The following SV2C variants were observed in gnomAD, a reference collection of about 807,000 sequenced individuals.
SV2C encodes the protein synaptic vesicle glycoprotein 2C, also known as solute carrier family 22 member B3.
SV2C carries 49 observed loss-of-function variants against 79.7 expected under a neutral mutation model. That is an observed-to-expected ratio of 0.61 (90% CI 0.49 to 0.78). The LOEUF is 0.78. Ranked by LOEUF, SV2C falls within the 30% of genes least tolerant of loss-of-function variation. The probability of loss-of-function intolerance (pLI) is 0.00; values close to 1 mark genes in which losing one functional copy is unlikely to be tolerated. For missense variants in SV2C, 833 were observed against 912.9 expected (o/e 0.91, Z 1.13); for synonymous variants, 334 against 333.2 (o/e 1.00, Z -0.03).
intron 2 of SV2C, among the ~76,000 whole-genome samples, chr5:76,187,349 C>T (rs1182631363): frequency 6.6e-6 from 1 of 152,184 alleles, no homozygotes; most frequent in Non-Finnish European, 1.5e-5. Flanking sequence ...CTTTTTAGTG[C>T]CCAGGTGAAC....
the SV2C span, among the ~76,000 whole-genome samples, chr5:76,013,390 T>A: frequency 6.6e-6 from 1 of 152,206 alleles, no homozygotes; most frequent in African/African-American, 2.4e-5. Flanking sequence ...AGTTCACTCA[T>A]AATTTGGCTC....
At chr5:75,970,358 C>A in the SV2C span, among the ~76,000 whole-genome samples, 1 of 152,098 alleles carries the variant, frequency 6.6e-6, no homozygotes, top group South Asian at 2.1e-4. Context: ...ACATAAAAAA[C>A]CCTTCAAAAA....
At chr5:76,288,119 T>C (rs944035575) in intron 6 of SV2C, among the ~76,000 whole-genome samples, 1 of 152,020 alleles carries the variant, frequency 6.6e-6, no homozygotes, top group Non-Finnish European at 1.5e-5. Context: ...AAAAATGTTT[T>C]GTCTACAGTA....
chr5:76,116,820 C>A (rs1265777253), intron 1 of SV2C, among the ~76,000 whole-genome samples: 1 of 152,142 alleles, frequency 6.6e-6, no homozygotes, highest in African/African-American at 2.4e-5. Context: ...CATCTTCTTT[C>A]CCCCAAAGAG....
the SV2C span, among the ~76,000 whole-genome samples, chr5:76,037,052 C>T: frequency 6.6e-6 from 1 of 152,166 alleles, no homozygotes; most frequent in Non-Finnish European, 1.5e-5. Context: ...CCTGAGGCTT[C>T]TGCATTCTTC....
At chr5:76,204,445 AT>A (rs1169665050) in intron 3 of SV2C, among the ~76,000 whole-genome samples, 1 of 152,212 alleles carries the variant, frequency 6.6e-6, no homozygotes, top group Non-Finnish European at 1.5e-5. Context: ...TGACTTTACA[AT>A]GATTATTCAA....
chr5:75,887,627 C>G, the SV2C span, among the ~76,000 whole-genome samples: 1 of 152,116 alleles, frequency 6.6e-6, no homozygotes, highest in African/African-American at 2.4e-5. Flanking sequence ...CTTGCTCATT[C>G]AGTCAAATTG....
At chr5:76,114,357 G>A (rs961741026) in intron 1 of SV2C, among the ~76,000 whole-genome samples, 1 of 152,114 alleles carries the variant, frequency 6.6e-6, no homozygotes. Context: ...TAAGAACCTT[G>A]CAAAATGAAA....
the SV2C span, among the ~76,000 whole-genome samples, chr5:75,991,703 G>GATATATATTTGCAAAACCATCAGATAT: frequency 2.0e-5 from 3 of 149,004 alleles, no homozygotes; most frequent in East Asian, 5.9e-4. Flanking sequence ...CCATCAGATA[G>GATATATATTTGCAAAACCATCAGATAT]ATATATATAT....
At chr5:76,242,202 G>A (rs979713239) in intron 4 of SV2C, 6 of 988,890 alleles carry the variant, frequency 6.1e-6, no homozygotes, top group African/African-American at 3.1e-5. Context: ...GGAGGAGCAG[G>A]TTTAGCAGAC....
At chr5:76,338,147 C>T (rs1018729297), downstream of SV2C, among the ~76,000 whole-genome samples, 1 of 152,228 alleles carries the variant, frequency 6.6e-6, no homozygotes, top group African/African-American at 2.4e-5. Flanking sequence ...AAAGGAGACA[C>T]ATTCTTGAAG....
At chr5:76,167,714 C>T (rs1743085888) in intron 2 of SV2C, among the ~76,000 whole-genome samples, 1 of 152,170 alleles carries the variant, frequency 6.6e-6, no homozygotes, top group South Asian at 2.1e-4. Context: ...CAATAAGTGT[C>T]AGAGGCTGGA....
the SV2C span, among the ~76,000 whole-genome samples, chr5:76,040,777 T>C: frequency 5.9e-5 from 9 of 152,226 alleles, no homozygotes; most frequent in Non-Finnish European, 1.2e-4. Flanking sequence ...CTCTGTAACC[T>C]CACAGTGCTG....
the SV2C span, among the ~76,000 whole-genome samples, chr5:76,016,093 T>G: frequency 6.6e-6 from 1 of 151,884 alleles, no homozygotes; most frequent in Non-Finnish European, 1.5e-5. Flanking sequence ...AAGACTAGTC[T>G]CTCTCCATCT....
At chr5:76,252,344 C>T (rs1746139618) in intron 4 of SV2C, among the ~76,000 whole-genome samples, 1 of 152,166 alleles carries the variant, frequency 6.6e-6, no homozygotes, top group South Asian at 2.1e-4. Context: ...TGGTCTCAAA[C>T]TCCTGACCTC....
the SV2C span, among the ~76,000 whole-genome samples, chr5:76,009,520 T>C: frequency 2.0e-5 from 3 of 152,214 alleles, no homozygotes; most frequent in Non-Finnish European, 2.9e-5. Context: ...CAGGTGCCTG[T>C]CAGTGGTGGA....
the SV2C span, among the ~76,000 whole-genome samples, chr5:75,909,620 T>C: frequency 1.3e-5 from 2 of 152,238 alleles, no homozygotes; most frequent in African/African-American, 4.8e-5. Flanking sequence ...TGTTTCTGAT[T>C]TTCCATTAAA....
intron 4 of SV2C, among the ~76,000 whole-genome samples, chr5:76,265,322 C>T (rs1471639469): frequency 2.0e-5 from 3 of 152,104 alleles, no homozygotes; most frequent in Non-Finnish European, 4.4e-5. Flanking sequence ...TCGAGTGTCC[C>T]AGGTGGACTT....
chr5:76,128,949 CT>C (rs942824129), intron 1 of SV2C, among the ~76,000 whole-genome samples: 1 of 152,142 alleles, frequency 6.6e-6, no homozygotes, highest in Non-Finnish European at 1.5e-5. Flanking sequence ...TGCCATTTTC[CT>C]GGCAATATCT....
Sources: allele counts gnomAD v4.1 joint callset (sites outside exome capture counted in the v4.1 genomes callset), GRCh38; gene constraint gnomAD v4.1.1; transcripts MANE v1.5; gene names NCBI Gene and HGNC (gene_info 2026-07-23, HGNC 2026-07-21).